The following SYT1 variants were observed in gnomAD, a reference collection of about 807,000 sequenced individuals.
SYT1 encodes the protein synaptotagmin 1, also known as synaptotagmin-1.
Under a neutral mutation model 44.8 loss-of-function variants are expected in SYT1, and 8 were observed. The observed-to-expected ratio is 0.18, with a 90% CI of 0.10 to 0.32. The LOEUF is 0.32. SYT1 is among the 10% of genes least tolerant of loss of function. The pLI is 1.00. For missense variants in SYT1, 286 were observed against 509.3 expected (o/e 0.56, Z 4.22); for synonymous variants, 154 against 188.8 (o/e 0.82, Z 1.51).
chr12:78,889,577 G>A (rs1874933988), intron 1 of SYT1, among the ~76,000 whole-genome samples: 1 of 151,888 alleles, frequency 6.6e-6, no homozygotes, highest in Non-Finnish European at 1.5e-5. Flanking sequence ...TCCTGTGTGG[G>A]AAAGAGTGTG....
At chr12:79,342,143 T>G (rs1282394097) in intron 8 of SYT1, among the ~76,000 whole-genome samples, 1 of 152,138 alleles carries the variant, frequency 6.6e-6, no homozygotes, top group Non-Finnish European at 1.5e-5. Flanking sequence ...AAATAGAACT[T>G]GAAGATTATT....
chr12:79,441,607 A>G (rs1230282924), intron 9 of SYT1, among the ~76,000 whole-genome samples: 6 of 152,064 alleles, frequency 3.9e-5, no homozygotes, highest in Admixed American at 3.9e-4. Context: ...GAGCCACTGC[A>G]CCCAGCCCCC....
intron 8 of SYT1, among the ~76,000 whole-genome samples, chr12:79,300,356 C>G (rs939021382): frequency 2.6e-5 from 4 of 152,096 alleles, no homozygotes; most frequent in African/African-American, 9.7e-5. Context: ...CTCTTTAGTT[C>G]CTGACGTAAG....
At chr12:79,195,288 C>A in intron 3 of SYT1, among the ~76,000 whole-genome samples, 1 of 152,038 alleles carries the variant, frequency 6.6e-6, no homozygotes, top group East Asian at 1.9e-4. Flanking sequence ...AACTCTTTTT[C>A]CTATATTTGT....
chr12:79,087,910 G>A (rs955167704), intron 3 of SYT1, among the ~76,000 whole-genome samples: 1 of 152,018 alleles, frequency 6.6e-6, no homozygotes, highest in Admixed American at 6.6e-5. Context: ...AACTCCCTGA[G>A]ATACACAAAC....
chr12:79,412,695 T>A (rs1479401498), intron 9 of SYT1, among the ~76,000 whole-genome samples: 1 of 152,226 alleles, frequency 6.6e-6, no homozygotes, highest in African/African-American at 2.4e-5. Flanking sequence ...TAAATCTTTG[T>A]TCATATCCAC....
chr12:79,102,289 T>C (rs1316378115), intron 3 of SYT1, among the ~76,000 whole-genome samples: 3 of 151,436 alleles, frequency 2.0e-5, no homozygotes, highest in Non-Finnish European at 4.4e-5. Context: ...TCTCTCTCTC[T>C]GTCCTTCCTA....
At chr12:79,276,889 CA>C (rs966600408) in intron 4 of SYT1, among the ~76,000 whole-genome samples, 1 of 139,950 alleles carries the variant, frequency 7.1e-6, no homozygotes, top group Admixed American at 7.6e-5. Context: ...CATAAAATGT[CA>C]AAACCTAACA....
At chr12:79,349,512 C>A (rs1000756887) in intron 8 of SYT1, among the ~76,000 whole-genome samples, 5 of 152,104 alleles carry the variant, frequency 3.3e-5, no homozygotes, top group African/African-American at 9.7e-5. Flanking sequence ...GAGTTTGCCC[C>A]AGTTCCTCTC....
chr12:79,425,079 G>A (rs1046068947), intron 9 of SYT1, among the ~76,000 whole-genome samples: 7 of 150,372 alleles, frequency 4.7e-5, no homozygotes, highest in Admixed American at 4.0e-4. Context: ...ACCCCAAAGA[G>A]GTCAAACAGA....
chr12:78,954,721 T>A (rs901373027), intron 1 of SYT1, among the ~76,000 whole-genome samples: 29 of 152,046 alleles, frequency 1.9e-4, no homozygotes, highest in Non-Finnish European at 1.5e-5. Context: ...TATTAGCACA[T>A]GAGGGAAAAA....
rs539538462 is a variant in SYT1, at chr12:79,398,510, A to T, written c.928+44891A>T. Among the ~76,000 whole-genome samples, 5 of 152,308 alleles carry T rather than the reference A, an allele frequency of 3.3e-5. No homozygotes were observed. The East Asian group carries it at 9.6e-4, about 29-fold the overall frequency. ...TAAAATATGTAATAGGAAGTCAGTAAATAGGTGCCGAATAAAGTAAACGTT... is the reference window on the plus strand; with the variant it reads ...TAAAATATGTAATAGGAAGTCAGTATATAGGTGCCGAATAAAGTAAACGTT... On this transcript the variant is annotated intron_variant, in intron 9 of 10. Coordinates refer to ENST00000261205, the MANE Select transcript of SYT1 (RefSeq NM_005639.3).
intron 3 of SYT1, among the ~76,000 whole-genome samples, chr12:79,169,221 C>A (rs1871374100): frequency 6.6e-6 from 1 of 151,950 alleles, no homozygotes; most frequent in African/African-American, 2.4e-5. Flanking sequence ...TTCTTTATGG[C>A]TCCAAAAATT....
At chr12:79,394,527 G>C (rs974915749) in intron 9 of SYT1, among the ~76,000 whole-genome samples, 4 of 152,138 alleles carry the variant, frequency 2.6e-5, no homozygotes, top group African/African-American at 9.7e-5. Flanking sequence ...AGCTAATAAA[G>C]ATCAATACCA....
At chr12:79,363,971 C>T (rs574340434) in intron 9 of SYT1, among the ~76,000 whole-genome samples, 1 of 152,126 alleles carries the variant, frequency 6.6e-6, no homozygotes, top group African/African-American at 2.4e-5. Context: ...AGAAACAGAC[C>T]TTAATATACC....
intron 3 of SYT1, among the ~76,000 whole-genome samples, chr12:79,171,293 T>C (rs1265882109): frequency 6.6e-6 from 1 of 152,118 alleles, no homozygotes; most frequent in African/African-American, 2.4e-5. Context: ...AGTATAGCCA[T>C]TTTCATGATA....
chr12:79,104,588 A>G (rs2138065982), intron 3 of SYT1, among the ~76,000 whole-genome samples: 1 of 152,060 alleles, frequency 6.6e-6, no homozygotes, highest in Admixed American at 6.6e-5. Context: ...TATTCCTTAC[A>G]CACATATTAA....
intron 2 of SYT1, among the ~76,000 whole-genome samples, chr12:79,033,869 A>T (rs1268379359): frequency 6.6e-6 from 1 of 151,412 alleles, no homozygotes; most frequent in Non-Finnish European, 1.5e-5. Context: ...TTACCTCTTC[A>T]CTTAGATTTT....
At chr12:78,986,346 A>C (rs1869639835) in intron 2 of SYT1, among the ~76,000 whole-genome samples, 1 of 151,916 alleles carries the variant, frequency 6.6e-6, no homozygotes, top group Admixed American at 6.6e-5. Flanking sequence ...GTTTAAAAAT[A>C]TCTATTGTGT....
Sources: allele counts gnomAD v4.1 joint callset (sites outside exome capture counted in the v4.1 genomes callset), GRCh38; gene constraint gnomAD v4.1.1; transcripts MANE v1.5; gene names NCBI Gene and HGNC (gene_info 2026-07-23, HGNC 2026-07-21).